Variants in CEP120 observed in about 807,000 individuals in gnomAD.
The protein encoded by CEP120 is centrosomal protein of 120 kDa.
Under a neutral mutation model 126.5 loss-of-function variants are expected in CEP120, and 113 were observed. The observed-to-expected ratio is 0.89, with a 90% CI of 0.77 to 1.04. The LOEUF (loss-of-function observed/expected upper bound fraction) is 1.04, where lower values mean the gene tolerates loss of function less well. Among genes scored for constraint, CEP120 ranks in the 50% least tolerant of loss-of-function variants. The probability of loss-of-function intolerance (pLI) is 0.00; values close to 1 mark genes in which losing one functional copy is unlikely to be tolerated. For missense variants in CEP120, 1,230 were observed against 1,155.7 expected (o/e 1.06, Z -0.93); for synonymous variants, 400 against 394.3 (o/e 1.01, Z -0.17).
intron 15 of CEP120, 118 bp from the exon 16 acceptor site, chr5:123,377,653 ATCT>A: frequency 2.5e-6 from 2 of 807,734 alleles, no homozygotes; most frequent in East Asian, 2.9e-5. Context: ...TTATTTTCAT[ATCT>A]TTTTTAGTTA....
In CEP120 at chr5:123,384,882, G is replaced by A. The variant is rs1404159601; in HGVS notation, c.1763+69C>T. 10 of 1,337,996 alleles carry A rather than the reference G, an allele frequency of 7.5e-6. No individual in the cohort carries two copies. The Admixed American group carries it at 1.6e-4, about 21-fold the overall frequency. The allele number at this position is 1,337,996 out of a possible 1,614,324, so 82.9% of individuals were successfully genotyped here. On this transcript the variant is annotated intron_variant, in intron 11 of 19. Transcript: ENST00000306467. ...AGAGGTTATGGAAGGGTGAAGTGGT[G>A]GCTGACTAATCAAAATCATTCCATG...
In CEP120 at chr5:123,364,515, T is replaced by C. The variant is rs1234808941; in HGVS notation, c.2561A>G (p.Glu854Gly). 17 of 1,605,498 alleles carry C rather than the reference T, an allele frequency of 1.1e-5. No individual in the cohort carries two copies. Residue 854 changes from glutamate to glycine, a missense_variant, in exon 18 of 20, where the codon GAA becomes GGA. Physicochemically the swap from Glu to Gly is moderately conservative, Grantham distance 98. Coordinates refer to ENST00000306467, the MANE Select transcript of CEP120 (RefSeq NM_001375405.1). ...ACATACCTGTTTAAGTCTGGCAAGTTCTTTCAAAGCTCGTCCCCACTGCTG... is the reference window on the plus strand; with the variant it reads ...ACATACCTGTTTAAGTCTGGCAAGTCCTTTCAAAGCTCGTCCCCACTGCTG... ...YKQQWGRALK[E>G]LARLKQREQE...
intron 19 of CEP120, among the ~76,000 whole-genome samples, chr5:123,348,517 T>A (rs1768986486): frequency 1.3e-5 from 2 of 152,260 alleles, no homozygotes; most frequent in Admixed American, 1.3e-4. Flanking sequence ...ACAGATTGAA[T>A]GCTGTTAAGC....
intron 5 of CEP120, 97 bp from the exon 6 acceptor site, chr5:123,393,594 T>C (rs1772551486): frequency 1.9e-6 from 2 of 1,033,670 alleles, no homozygotes; most frequent in Admixed American, 5.0e-5. Context: ...GCTAAAATGT[T>C]TTTTTATTTG....
At chr5:123,395,042 T>C (rs543292777) in intron 5 of CEP120, among the ~76,000 whole-genome samples, 3 of 152,334 alleles carry the variant, frequency 2.0e-5, no homozygotes, top group Non-Finnish European at 2.9e-5. Flanking sequence ...ACCATTACAG[T>C]GATTATTCTG....
chr5:123,377,545 A>G lies in CEP120; in HGVS notation c.2197-10T>C. The G allele has an allele frequency of 1.3e-6, 2 of 1,570,964 alleles. No individual in the cohort carries two copies. The highest frequency in any genetic ancestry group is 2.4e-5 in the South Asian group (2 of 82,826). On this transcript the variant is annotated splice_polypyrimidine_tract_variant and intron_variant, in intron 15 of 19. Coordinates refer to ENST00000306467, the MANE Select transcript of CEP120 (RefSeq NM_001375405.1). ...TTTTTTCTCTTTGAAGCTTAAAACA[A>G]AGGCATCTTTAAGAGGTTGGTTTAT...
At chr5:123,401,413 C>T in intron 4 of CEP120, 1 of 1,421,618 alleles carries the variant, frequency 7.0e-7, no homozygotes, top group Non-Finnish European at 9.9e-7. Context: ...TGTTCCGGTT[C>T]ATCTCGGAGA....
At chr5:123,347,388 G>A (rs993959607) in intron 19 of CEP120, among the ~76,000 whole-genome samples, 12 of 152,124 alleles carry the variant, frequency 7.9e-5, no homozygotes, top group Admixed American at 2.0e-4. Flanking sequence ...GGATAGTGCA[G>A]TGAACCAAGA....
intron 4 of CEP120, chr5:123,401,583 G>A (rs1214805648): frequency 1.2e-5 from 17 of 1,400,712 alleles, no homozygotes; most frequent in Non-Finnish European, 1.6e-5. Context: ...TTCATGTCCA[G>A]GGAGCGGCTG....
chr5:123,404,777 A>G (rs1383979235), intron 4 of CEP120, among the ~76,000 whole-genome samples: 2 of 152,240 alleles, frequency 1.3e-5, no homozygotes, highest in East Asian at 1.9e-4. Flanking sequence ...AGTCTAGGAC[A>G]TTCCATGCAA....
At position 123,416,039 on chromosome 5, in the gene CEP120, C is replaced by A. The variant is rs985524034; in HGVS notation, c.292G>T (p.Asp98Tyr). 1.5e-5 allele frequency: 24 copies of A among 1,613,828 alleles called. No individual in the cohort carries two copies. The highest frequency in any genetic ancestry group is 2.0e-5 in the Non-Finnish European group (24 of 1,179,810). Residue 98 changes from aspartate (D) to tyrosine (Y), a missense_variant, in exon 3 of 20, where the codon GAT becomes TAT. Asp to Tyr is a radical substitution (Grantham distance 160, BLOSUM62 -3). Transcript: ENST00000306467. ...TTTGTTTCTTGAGCGGTTCTTAAAT[C>A]CAGAACGATGTAACCTATGGTTTCC... ...AKETIGYIVLDLRTAQETKQA... is the reference protein window; with the variant it reads ...AKETIGYIVLYLRTAQETKQA...
intron 14 of CEP120, 47 bp downstream of exon 14, chr5:123,382,064 T>C (rs1295309767): frequency 8.2e-7 from 1 of 1,224,150 alleles, no homozygotes; most frequent in African/African-American, 1.5e-5. Context: ...CAAGATATTA[T>C]CATTAATATT....
At chr5:123,347,184 C>T (rs953612144) in intron 19 of CEP120, among the ~76,000 whole-genome samples, 1 of 152,054 alleles carries the variant, frequency 6.6e-6, no homozygotes, top group African/African-American at 2.4e-5. Context: ...CTACTTTTCT[C>T]ATTTATATAG....
In CEP120 at chr5:123,385,085, A is replaced by G; in HGVS notation, c.1629T>C (p.Asp543=). Residue 543 remains aspartate, a synonymous_variant, in exon 11 of 20, where the codon GAT becomes GAC. Transcript: ENST00000306467. ...GGATTCTCGCAATTCCCAGAAGTAA[A>G]TCTTTACTCATTTTATCCTTGTGCC... ...ELWHKDKMSK[D]LLLGIARIQL... is the part of the protein sequence containing the mutation. 1 of 1,613,630 alleles carries G rather than the reference A, an allele frequency of 6.2e-7. No homozygotes were observed. The highest frequency in any genetic ancestry group is 8.5e-7 in the Non-Finnish European group (1 of 1,179,756).
intron 4 of CEP120, among the ~76,000 whole-genome samples, chr5:123,403,980 G>A (rs968630987): frequency 6.6e-6 from 1 of 152,152 alleles, no homozygotes; most frequent in Non-Finnish European, 1.5e-5. Flanking sequence ...GAAATTAGGT[G>A]GTAGCAATGT....
At chr5:123,423,653 C>G (rs2127152358), upstream of CEP120, 1 of 152,426 alleles carries the variant, frequency 6.6e-6, no homozygotes, top group Admixed American at 6.5e-5. Context: ...CTGCTTTATG[C>G]TTCAGCCACA....
chr5:123,378,458 A>T, intron 14 of CEP120, 30 bp from the exon 15 acceptor site: 1 of 1,015,520 alleles, frequency 9.8e-7, no homozygotes, highest in Non-Finnish European at 1.4e-6. Context: ...AAAAAAAAAA[A>T]GTTACCTACC....
chr5:123,422,696 T>C (rs1774798149), intron 1 of CEP120: 1 of 771,304 alleles, frequency 1.3e-6, no homozygotes, highest in Non-Finnish European at 2.1e-6. Flanking sequence ...TGGATGAAAA[T>C]CGTTTTCTCT....
chr5:123,363,098 C>G (rs1378166749), intron 18 of CEP120, among the ~76,000 whole-genome samples: 1 of 151,562 alleles, frequency 6.6e-6, no homozygotes, highest in Non-Finnish European at 1.5e-5. Flanking sequence ...TAAGAACAGC[C>G]TATGCTTTCC....
Sources: gnomAD v4.1 joint callset for allele counts (sites outside exome capture counted in the v4.1 genomes callset) on GRCh38, gnomAD v4.1.1 for gene constraint, MANE v1.5 for transcripts, NCBI Gene and HGNC (gene_info 2026-07-23, HGNC 2026-07-21) for gene names.